The following DTWD2 variants were observed in gnomAD, a reference collection of about 807,000 sequenced individuals.
The protein encoded by DTWD2 is tRNA-uridine aminocarboxypropyltransferase 2.
In DTWD2, 39 loss-of-function variants were observed where a neutral mutation model predicts 31.8. That is an observed-to-expected ratio of 1.22 (90% CI 0.95 to 1.60). DTWD2 has a LOEUF of 1.60. Ranked by LOEUF, DTWD2 falls within the 40% of genes most tolerant of loss-of-function variation. DTWD2 has a pLI of 0.00. For missense variants in DTWD2, 515 were observed against 381.5 expected (o/e 1.35, Z -2.92); for synonymous variants, 180 against 142.8 (o/e 1.26, Z -1.86).
chr5:118,897,562 A>G (rs1561446557), intron 4 of DTWD2, among the ~76,000 whole-genome samples: 1 of 152,210 alleles, frequency 6.6e-6, no homozygotes, highest in Non-Finnish European at 1.5e-5. Flanking sequence ...ACAAAGGTCA[A>G]CCTTCTAAGC....
chr5:118,925,364 A>G (rs1457956650), intron 4 of DTWD2, among the ~76,000 whole-genome samples: 1 of 152,258 alleles, frequency 6.6e-6, no homozygotes, highest in African/African-American at 2.4e-5. Flanking sequence ...ACATTTTTAT[A>G]GTAATAGAAC....
intron 4 of DTWD2, among the ~76,000 whole-genome samples, chr5:118,913,221 A>T (rs923269075): frequency 6.6e-6 from 1 of 151,866 alleles, no homozygotes; most frequent in Non-Finnish European, 1.5e-5. Context: ...GGGGCCAGGG[A>T]CATGGCTCAT....
intron 4 of DTWD2, among the ~76,000 whole-genome samples, chr5:118,879,291 G>A (rs1752687351): frequency 1.3e-5 from 2 of 152,124 alleles, no homozygotes; most frequent in Admixed American, 1.3e-4. Context: ...TATACACCAT[G>A]GAATATTACG....
chr5:118,879,517 G>A (rs1412612725), intron 4 of DTWD2, among the ~76,000 whole-genome samples: 1 of 151,352 alleles, frequency 6.6e-6, no homozygotes, highest in Non-Finnish European at 1.5e-5. Flanking sequence ...GGCTGAGGCA[G>A]GAGAATCACT....
rs1751585948 is a variant in DTWD2 at position 118,836,947 on chromosome 5, A to G, written c.*3970T>C. On this transcript the variant is annotated 3_prime_UTR_variant, in exon 6 of 6. Coordinates refer to ENST00000510708, the MANE Select transcript of DTWD2 (RefSeq NM_173666.4). Reference sequence around the variant, plus strand: ...AATGGACTAAGACAGGAGTCAAGTGATCAGCACGGTGTAAAAAGTCAGGGA... The same window carrying G: ...AATGGACTAAGACAGGAGTCAAGTGGTCAGCACGGTGTAAAAAGTCAGGGA... Among the ~76,000 whole-genome samples, 1 of 152,234 alleles carries G rather than the reference A, an allele frequency of 6.6e-6. No individual in the cohort carries two copies. The highest frequency in any genetic ancestry group is 2.1e-4 in the South Asian group (1 of 4,832).
intron 4 of DTWD2, among the ~76,000 whole-genome samples, chr5:118,859,057 C>T (rs189359540): frequency 2.6e-5 from 4 of 152,186 alleles, no homozygotes; most frequent in Admixed American, 6.5e-5. Context: ...ACACCCTGAC[C>T]CCTCCATAAT....
Position 118,988,385 on chromosome 5 carries a change from G to T in DTWD2, c.127C>A (p.Leu43Met). ...CTGTCGTCGTCCGCCTCTGCGCCCA[G>T]GGCAGCCGCCGCCGGCACTGCGCCG... ...EGGAVPAAAA[L>M]GAEADDDSAD... Residue 43 changes from leucine (L) to methionine (M), a missense_variant, in exon 1 of 6, where the codon CTG becomes ATG. Leu to Met is a conservative substitution (Grantham distance 15). Transcript: ENST00000510708. 1 of 1,587,686 alleles carries T rather than the reference G, an allele frequency of 6.3e-7. No homozygotes were observed. Among genetic ancestry groups the T allele is most frequent in the Non-Finnish European group, 8.6e-7 (1 of 1,169,584 alleles).
At chr5:118,882,219 A>C (rs192108732) in intron 4 of DTWD2, among the ~76,000 whole-genome samples, 2 of 152,340 alleles carry the variant, frequency 1.3e-5, no homozygotes, top group East Asian at 3.9e-4. Flanking sequence ...ATTAAATCTT[A>C]AAGCTCCAAA....
intron 4 of DTWD2, among the ~76,000 whole-genome samples, chr5:118,871,187 C>G (rs558782973): frequency 6.6e-6 from 1 of 152,142 alleles, no homozygotes; most frequent in Non-Finnish European, 1.5e-5. Flanking sequence ...TCATTTGCAT[C>G]TTTAGGTTCC....
At position 118,881,385 on chromosome 5, in the gene DTWD2, C is replaced by T. The variant is rs77154824; in HGVS notation, c.598-33167G>A. ...AATTTGAGTATTTGAAAAGTTCATA[C>T]GCCTAAGAAATAACATGGCTTATAT... On this transcript the variant is annotated intron_variant, in intron 4 of 5. Transcript: ENST00000510708. 1.2e-4 allele frequency among the ~76,000 whole-genome samples: 19 copies of T among 152,178 alleles called. No homozygotes were observed. The East Asian group carries it at 2.1e-3, about 17-fold the overall frequency.
At position 118,957,750 on chromosome 5, in the gene DTWD2, A is replaced by C. The variant is rs1043373614; in HGVS notation, c.219-13101T>G. ...TGCCTAGAGCAGTGAAGAAATTATCAAGTTTATTTGAATTGTGGACTTGCA... is the reference window on the plus strand; with the variant it reads ...TGCCTAGAGCAGTGAAGAAATTATCCAGTTTATTTGAATTGTGGACTTGCA... On this transcript the variant is annotated intron_variant, in intron 1 of 5. Transcript: ENST00000510708. Among the ~76,000 whole-genome samples, 68 of 152,180 alleles carry C rather than the reference A, an allele frequency of 4.5e-4. 1 individual carries two copies. The highest frequency in any genetic ancestry group is 3.2e-4 in the Non-Finnish European group (22 of 68,028).
At chr5:118,946,794 G>A (rs1309057087) in intron 1 of DTWD2, among the ~76,000 whole-genome samples, 3 of 152,106 alleles carry the variant, frequency 2.0e-5, no homozygotes, top group African/African-American at 7.2e-5. Flanking sequence ...AGGCTGGAGT[G>A]CAGTGGCACA....
chr5:118,964,973 G>A lies in DTWD2; in HGVS notation c.219-20324C>T, dbSNP rs1489053334. On this transcript the variant is annotated intron_variant, in intron 1 of 5. Coordinates refer to ENST00000510708, the MANE Select transcript of DTWD2 (RefSeq NM_173666.4). ...AAGTGAGGAGCGCCTCTTCCCGGCC[G>A]CCATCCCATCTACGAAGTGAGGAGC... Among the ~76,000 whole-genome samples the A allele has an allele frequency of 4.6e-5, 7 of 151,400 alleles. No individual in the cohort carries two copies. The South Asian group carries it at 8.4e-4, about 18-fold the overall frequency.
intron 4 of DTWD2, among the ~76,000 whole-genome samples, chr5:118,875,623 T>C (rs1752604375): frequency 7.3e-6 from 1 of 136,456 alleles, no homozygotes; most frequent in Non-Finnish European, 1.6e-5. Flanking sequence ...GACAAAAAGG[T>C]GCATTACATA....
intron 4 of DTWD2, among the ~76,000 whole-genome samples, chr5:118,924,807 C>T (rs1014647781): frequency 2.0e-5 from 3 of 152,036 alleles, no homozygotes; most frequent in Non-Finnish European, 2.9e-5. Context: ...GTTCAAATTG[C>T]GGCTATGCTA....
intron 4 of DTWD2, among the ~76,000 whole-genome samples, chr5:118,871,456 A>G (rs1752502907): frequency 6.6e-6 from 1 of 152,214 alleles, no homozygotes; most frequent in Non-Finnish European, 1.5e-5. Flanking sequence ...GCCTTATGAA[A>G]TGTATTTCTT....
At position 118,838,165 on chromosome 5, in the gene DTWD2, CAT is replaced by C. The variant is rs1216819713; in HGVS notation, c.*2750_*2751del. On this transcript the variant is annotated 3_prime_UTR_variant, in exon 6 of 6. Coordinates refer to ENST00000510708, the MANE Select transcript of DTWD2 (RefSeq NM_173666.4). ...AATCTAGTTCTCAACCTTTTACACT[CAT>C]GTGTGCAAGAAACTCTCAATACCTC... The C allele has an allele frequency of 9.2e-5, 14 of 152,208 alleles. No homozygotes were observed. Among genetic ancestry groups the C allele is most frequent in the Admixed American group, 2.6e-4 (4 of 15,286 alleles). 9.4% of individuals were successfully genotyped at this position (152,208 alleles called of 1,614,324 possible). A position where few individuals can be genotyped will look rare whatever the true frequency, so the allele number is the denominator to read the frequency against.
At chr5:118,871,778 A>G (rs1752510733) in intron 4 of DTWD2, among the ~76,000 whole-genome samples, 2 of 152,172 alleles carry the variant, frequency 1.3e-5, no homozygotes, top group Admixed American at 1.3e-4. Flanking sequence ...ATGGTAAATG[A>G]CCACTGGCAT....
Position 118,965,368 on chromosome 5 carries a change from G to A in DTWD2, c.219-20719C>T, listed in dbSNP as rs576901901. On this transcript the variant is annotated intron_variant, in intron 1 of 5. Transcript: ENST00000510708. ...AGGTGAGGGGCGCCTCTGCCCGGCCGCCCCTTCTGGGAAGTGAGGAGCCCC... is the reference window on the plus strand; with the variant it reads ...AGGTGAGGGGCGCCTCTGCCCGGCCACCCCTTCTGGGAAGTGAGGAGCCCC... 7.3e-5 allele frequency among the ~76,000 whole-genome samples: 11 copies of A among 150,714 alleles called. 1 individual carries two copies. Among genetic ancestry groups the A allele is most frequent in the African/African-American group, 1.7e-4 (7 of 40,940 alleles).
Sources: allele counts gnomAD v4.1 joint callset (sites outside exome capture counted in the v4.1 genomes callset), GRCh38; gene constraint gnomAD v4.1.1; transcripts MANE v1.5; gene names NCBI Gene and HGNC (gene_info 2026-07-23, HGNC 2026-07-21).